EBF1: variants seen among roughly 807,000 people sequenced by gnomAD.
The protein encoded by EBF1 is transcription factor COE1.
A neutral mutation model predicts 68.4 loss-of-function variants in EBF1; 10 were observed. That is an observed-to-expected ratio of 0.15 (90% CI 0.09 to 0.25). EBF1 has a LOEUF of 0.25. Among genes scored for constraint, EBF1 ranks in the 10% least tolerant of loss-of-function variants. The pLI, the probability that EBF1 is intolerant of heterozygous loss-of-function variation, is 1.00. For synonymous variants in EBF1, 298 were observed against 299.8 expected (o/e 0.99, Z 0.06); for missense variants, 509 against 794.4 (o/e 0.64, Z 4.32).
intron 11 of EBF1, among the ~76,000 whole-genome samples, chr5:158,726,538 T>A (rs576355776): frequency 6.6e-6 from 1 of 152,240 alleles, no homozygotes. Flanking sequence ...ATTTACCAGA[T>A]ATTTTCAGCT....
chr5:159,034,971 T>C (rs1343699939), intron 6 of EBF1, among the ~76,000 whole-genome samples: 1 of 152,208 alleles, frequency 6.6e-6, no homozygotes, highest in Non-Finnish European at 1.5e-5. Context: ...ATGGTGCTCT[T>C]TGGAAAATAT....
intron 6 of EBF1, among the ~76,000 whole-genome samples, chr5:159,003,320 A>T (rs1344273719): frequency 1.3e-5 from 2 of 152,198 alleles, no homozygotes; most frequent in African/African-American, 4.8e-5. Context: ...CACTCTGGGC[A>T]TTCTGTTCCT....
At chr5:158,701,095 T>C (rs949912999) in intron 15 of EBF1, among the ~76,000 whole-genome samples, 9 of 152,222 alleles carry the variant, frequency 5.9e-5, no homozygotes, top group Non-Finnish European at 1.3e-4. Flanking sequence ...AAGGATCTTT[T>C]CATCTGGGCT....
chr5:159,056,717 A>G (rs1774814427), intron 6 of EBF1, among the ~76,000 whole-genome samples: 1 of 152,222 alleles, frequency 6.6e-6, no homozygotes, highest in African/African-American at 2.4e-5. Flanking sequence ...ATTTTTGGAA[A>G]GGGTACTTTC....
At chr5:158,704,029 T>C (rs1757321200) in intron 15 of EBF1, among the ~76,000 whole-genome samples, 1 of 152,214 alleles carries the variant, frequency 6.6e-6, no homozygotes, top group South Asian at 2.1e-4. Context: ...TAATATAGCA[T>C]AGGGGCTTAA....
chr5:158,881,116 T>C (rs1798818452), intron 6 of EBF1, among the ~76,000 whole-genome samples: 1 of 152,202 alleles, frequency 6.6e-6, no homozygotes, highest in Middle Eastern at 3.4e-3. Flanking sequence ...GAAGCAGAGG[T>C]TGGCATTATT....
intron 6 of EBF1, among the ~76,000 whole-genome samples, chr5:158,934,332 AC>A (rs1811529356): frequency 6.6e-6 from 1 of 152,184 alleles, no homozygotes; most frequent in Non-Finnish European, 1.5e-5. Flanking sequence ...ACACATACAC[AC>A]TCGTACAAGA....
intron 8 of EBF1, among the ~76,000 whole-genome samples, chr5:158,810,848 G>GT (rs1203817884): frequency 6.6e-6 from 1 of 152,000 alleles, no homozygotes; most frequent in Non-Finnish European, 1.5e-5. Context: ...TCTTTCTCTG[G>GT]TTGCCCATGT....
intron 6 of EBF1, among the ~76,000 whole-genome samples, chr5:159,068,982 G>T (rs1200957100): frequency 1.3e-5 from 2 of 151,852 alleles, no homozygotes; most frequent in African/African-American, 2.4e-5. Flanking sequence ...CTTAAAAATG[G>T]GGGAAAAAGG....
chr5:159,096,177 T>C, intron 3 of EBF1, 166 bp downstream of exon 3: 1 of 689,550 alleles, frequency 1.5e-6, no homozygotes, highest in Non-Finnish European at 2.4e-6. Context: ...ACTAGGAGCC[T>C]CCTCAGGTGA....
intron 6 of EBF1, among the ~76,000 whole-genome samples, chr5:159,004,509 A>T (rs954540356): frequency 9.4e-5 from 14 of 149,710 alleles, no homozygotes; most frequent in African/African-American, 3.5e-4. Flanking sequence ...GCTATAAAGT[A>T]GCAAACCAAA....
chr5:159,060,995 G>C (rs528606583), intron 6 of EBF1, among the ~76,000 whole-genome samples: 2 of 151,800 alleles, frequency 1.3e-5, no homozygotes, highest in East Asian at 1.9e-4. Context: ...ATCTATGAGA[G>C]AGCAGTGGTA....
chr5:158,699,533 AAAG>A (rs1432435921), intron 15 of EBF1, among the ~76,000 whole-genome samples: 6 of 152,166 alleles, frequency 3.9e-5, no homozygotes, highest in African/African-American at 4.8e-5. Context: ...CCCAAAATAT[AAAG>A]AAGTGGTCCA....
intron 6 of EBF1, among the ~76,000 whole-genome samples, chr5:158,865,110 C>G (rs1795652649): frequency 6.6e-6 from 1 of 152,208 alleles, no homozygotes; most frequent in Non-Finnish European, 1.5e-5. Context: ...GGCCCACCTT[C>G]TCTTCCCAGG....
chr5:159,067,112 G>A (rs143345342), intron 6 of EBF1, among the ~76,000 whole-genome samples: 3 of 152,238 alleles, frequency 2.0e-5, no homozygotes, highest in African/African-American at 2.4e-5. Flanking sequence ...ATGAGGAAAT[G>A]AGGGGAATTT....
chr5:159,043,779 A>C (rs920334260), intron 6 of EBF1, among the ~76,000 whole-genome samples: 9 of 152,214 alleles, frequency 5.9e-5, no homozygotes, highest in African/African-American at 2.2e-4. Flanking sequence ...ATACGTCATG[A>C]GGGCTTGCAG....
intron 6 of EBF1, among the ~76,000 whole-genome samples, chr5:159,055,340 A>C (rs567611398): frequency 3.9e-5 from 6 of 152,232 alleles, no homozygotes; most frequent in Non-Finnish European, 7.3e-5. Flanking sequence ...CGTTCTATAA[A>C]TAAGAAAGCT....
intron 6 of EBF1, among the ~76,000 whole-genome samples, chr5:158,896,748 T>C (rs1802255984): frequency 6.6e-6 from 1 of 152,212 alleles, no homozygotes. Context: ...AAATTGTCTC[T>C]GTAGGCCAAA....
intron 4 of EBF1, among the ~76,000 whole-genome samples, 154 bp from the exon 5 acceptor site, chr5:159,084,893 T>G (rs1238239755): frequency 2.0e-5 from 3 of 152,180 alleles, no homozygotes; most frequent in African/African-American, 7.2e-5. Context: ...TCTGAAGGTA[T>G]GATATTCGGG....
Sources: allele counts gnomAD v4.1 joint callset (sites outside exome capture counted in the v4.1 genomes callset), GRCh38; gene constraint gnomAD v4.1.1; transcripts MANE v1.5; gene names NCBI Gene and HGNC (gene_info 2026-07-23, HGNC 2026-07-21).